Variants in RAPGEF5 observed in about 807,000 individuals in gnomAD.
The protein encoded by RAPGEF5 is Rap guanine nucleotide exchange factor 5, also known as M-Ras-regulated GEF.
A neutral mutation model predicts 125.2 loss-of-function variants in RAPGEF5; 65 were observed. That is an observed-to-expected ratio of 0.52 (90% CI 0.43 to 0.64). The LOEUF (loss-of-function observed/expected upper bound fraction) is 0.64. RAPGEF5 is among the 30% of genes least tolerant of loss of function. The probability of loss-of-function intolerance (pLI) is 0.00; values close to 1 mark genes in which losing one functional copy is unlikely to be tolerated. For synonymous variants in RAPGEF5, 391 were observed against 385.9 expected, an observed-to-expected ratio of 1.01 and a Z score of -0.16; for missense variants, 958 against 1,048.1, an observed-to-expected ratio of 0.91 and a Z score of 1.19.
At position 22,291,894 on chromosome 7, in the gene RAPGEF5, A is replaced by G. The variant is rs114271362; in HGVS notation, c.681-653T>C. ...TTGTTTGGGGAAAACAATCTTTTTAACTTAATTCATGAAAAAAGACTTCAC... is the reference window on the plus strand; with the variant it reads ...TTGTTTGGGGAAAACAATCTTTTTAGCTTAATTCATGAAAAAAGACTTCAC... On this transcript the variant is annotated intron_variant, in intron 5 of 25. Transcript: ENST00000665637. Among the ~76,000 whole-genome samples the G allele has an allele frequency of 4.2e-3, 644 of 152,324 alleles. 5 individuals carry two copies. Among genetic ancestry groups the G allele is most frequent in the African/African-American group, 0.015 (616 of 41,582 alleles).
At chr7:22,284,902 A>C (rs1464693568) in intron 6 of RAPGEF5, among the ~76,000 whole-genome samples, 1 of 152,234 alleles carries the variant, frequency 6.6e-6, no homozygotes, top group African/African-American at 2.4e-5. Flanking sequence ...TGCTTATCAC[A>C]TACAGATGAT....
intron 6 of RAPGEF5, among the ~76,000 whole-genome samples, chr7:22,285,620 A>G (rs1782779244): frequency 6.6e-6 from 1 of 152,216 alleles, no homozygotes; most frequent in Non-Finnish European, 1.5e-5. Flanking sequence ...AGGACAAACT[A>G]AAGGAATCCT....
chr7:22,134,658 C>T (rs908046648), intron 23 of RAPGEF5, among the ~76,000 whole-genome samples: 1 of 152,208 alleles, frequency 6.6e-6, no homozygotes. Flanking sequence ...TCCTTTCCTA[C>T]ATCAGTCCTA....
chr7:22,164,601 C>T (rs991312347), intron 12 of RAPGEF5, among the ~76,000 whole-genome samples: 6 of 152,168 alleles, frequency 3.9e-5, no homozygotes, highest in Non-Finnish European at 8.8e-5. Context: ...GTTTTCCTCC[C>T]TGCAAGATAT....
At chr7:22,349,120 C>T (rs1481130560) in intron 1 of RAPGEF5, among the ~76,000 whole-genome samples, 1 of 150,132 alleles carries the variant, frequency 6.7e-6, no homozygotes, top group Non-Finnish European at 1.5e-5. Context: ...CAATAAGACC[C>T]AGTGTTCCAC....
In RAPGEF5 at chr7:22,193,347, T is replaced by C. The variant is rs1178114366; in HGVS notation, c.1204+20A>G. The C allele has an allele frequency of 1.9e-6, 3 of 1,549,442 alleles. No homozygotes were observed. Among genetic ancestry groups the C allele is most frequent in the Non-Finnish European group, 2.6e-6 (3 of 1,139,266 alleles). ...ATCAGCTGCTATCAGTCTGGAAGCA[T>C]GAGCTACTCAGAGCCTTACCTGTTT... On this transcript the variant is annotated intron_variant, in intron 11 of 25. Transcript: ENST00000665637.
chr7:22,281,599 TTAACTG>T (rs1489113731), intron 6 of RAPGEF5, among the ~76,000 whole-genome samples: 2 of 152,190 alleles, frequency 1.3e-5, no homozygotes, highest in African/African-American at 4.8e-5. Flanking sequence ...AGAATTCCAA[TTAACTG>T]TAATACTTCC....
rs115813064 is a variant in RAPGEF5, at chr7:22,237,988, G to A, written c.797-7069C>T. Among the ~76,000 whole-genome samples, 1,039 of 152,292 alleles carry A rather than the reference G, an allele frequency of 6.8e-3. 11 individuals are homozygous for A. The highest frequency in any genetic ancestry group is 0.022 in the African/African-American group (927 of 41,566). ...AATGCGGATTCTGATAGGTAAATGA[G>A]AAAAGGGGAGAAATGCAGTCGAGAG... On this transcript the variant is annotated intron_variant, in intron 7 of 25. Transcript: ENST00000665637.
In RAPGEF5 at chr7:22,250,154, C is replaced by T. The variant is rs182222034; in HGVS notation, c.796+16810G>A. Among the ~76,000 whole-genome samples, 358 of 152,270 alleles carry T rather than the reference C, an allele frequency of 2.4e-3. 2 individuals carry two copies. The highest frequency in any genetic ancestry group is 0.01 in the Middle Eastern group (3 of 294). On this transcript the variant is annotated intron_variant, in intron 7 of 25. Transcript: ENST00000665637. The stretch of plus-strand genomic sequence containing the variant: ...ATTGTACATGCCTTCATTGTACGTG[C>T]CTTCATTGACTCCAGGGTGAAAATG...
At position 22,302,378 on chromosome 7, in the gene RAPGEF5, C is replaced by A. The variant is rs373342156; in HGVS notation, c.680+5961G>T. Among the ~76,000 whole-genome samples, 11 of 152,144 alleles carry A rather than the reference C, an allele frequency of 7.2e-5. No homozygotes were observed. The East Asian group carries it at 1.7e-3, about 24-fold the overall frequency. On this transcript the variant is annotated intron_variant, in intron 5 of 25. Coordinates refer to ENST00000665637, the MANE Select transcript of RAPGEF5 (RefSeq NM_012294.5). ...ACCTTAGGAGTGTCAGCAATGCCAA[C>A]AGACATCTAGGAAGGCCAATCAGCC...
intron 5 of RAPGEF5, among the ~76,000 whole-genome samples, chr7:22,292,937 C>G (rs1440890958): frequency 6.6e-6 from 1 of 150,418 alleles, no homozygotes; most frequent in Admixed American, 6.6e-5. Context: ...CTCTTGTATA[C>G]GAGACTGGTA....
intron 7 of RAPGEF5, among the ~76,000 whole-genome samples, chr7:22,250,041 A>G (rs932817597): frequency 6.6e-6 from 1 of 152,222 alleles, no homozygotes; most frequent in Non-Finnish European, 1.5e-5. Context: ...AAAGGGACCT[A>G]GGATTATTTT....
intron 8 of RAPGEF5, among the ~76,000 whole-genome samples, chr7:22,227,958 T>C (rs558733291): frequency 2.0e-5 from 3 of 152,322 alleles, no homozygotes; most frequent in African/African-American, 7.2e-5. Context: ...TTTTATCCTA[T>C]AATACAGTGA....
intron 5 of RAPGEF5, among the ~76,000 whole-genome samples, chr7:22,301,246 G>A (rs2686528): frequency 0.25 from 38,691 of 152,048 alleles, 5,148 homozygotes; most frequent in African/African-American, 0.33. Flanking sequence ...AGACTCTTCA[G>A]TGGAATTCGT....
rs547194738 is a variant in RAPGEF5 at position 22,327,761 on chromosome 7, G to A, written c.232-9724C>T. On this transcript the variant is annotated intron_variant, in intron 1 of 25. Transcript: ENST00000665637. Reference sequence around the variant, plus strand: ...TGTAAAAACTAAATGACTTAAAATTGTGATTCCCAAACTTCAGCATGCATC... The same window carrying A: ...TGTAAAAACTAAATGACTTAAAATTATGATTCCCAAACTTCAGCATGCATC... Among the ~76,000 whole-genome samples the A allele has an allele frequency of 5.6e-4, 85 of 152,326 alleles. 2 individuals carry two copies. The highest frequency in any genetic ancestry group is 1.9e-3 in the African/African-American group (79 of 41,570).
chr7:22,296,065 G>A (rs987768222), intron 5 of RAPGEF5, among the ~76,000 whole-genome samples: 1 of 152,040 alleles, frequency 6.6e-6, no homozygotes, highest in Non-Finnish European at 1.5e-5. Context: ...TGTATAGGGT[G>A]GTAAGAGGAG....
At chr7:22,351,360 T>C (rs1784325635) in intron 1 of RAPGEF5, among the ~76,000 whole-genome samples, 1 of 152,210 alleles carries the variant, frequency 6.6e-6, no homozygotes, top group South Asian at 2.1e-4. Context: ...TATTTACCTC[T>C]CTCAGAGTGG....
intron 7 of RAPGEF5, among the ~76,000 whole-genome samples, chr7:22,265,903 A>G (rs1450959873): frequency 6.6e-6 from 1 of 152,094 alleles, no homozygotes; most frequent in East Asian, 1.9e-4. Context: ...AGCCTTATTC[A>G]TGCTGCCTTC....
intron 9 of RAPGEF5, among the ~76,000 whole-genome samples, chr7:22,205,999 A>G (rs1785388324): frequency 6.6e-6 from 1 of 152,230 alleles, no homozygotes; most frequent in Non-Finnish European, 1.5e-5. Context: ...GAGTGAAAAA[A>G]GAGCTACTCA....
Sources: gnomAD v4.1 joint callset for allele counts (sites outside exome capture counted in the v4.1 genomes callset) on GRCh38, gnomAD v4.1.1 for gene constraint, MANE v1.5 for transcripts, NCBI Gene and HGNC (gene_info 2026-07-23, HGNC 2026-07-21) for gene names.